SRPRB: variants seen among roughly 807,000 people sequenced by gnomAD.
The protein encoded by SRPRB is signal recognition particle receptor subunit beta.
SRPRB carries 20 observed loss-of-function variants against 31.9 expected under a neutral mutation model. The observed-to-expected ratio is 0.63, with a 90% CI of 0.44 to 0.91. The LOEUF (loss-of-function observed/expected upper bound fraction) is 0.91. SRPRB is among the 40% of genes least tolerant of loss of function. The pLI is 0.00. For synonymous variants in SRPRB, 146 were observed against 132.8 expected (o/e 1.10, Z -0.68); for missense variants, 321 against 324.9 (o/e 0.99, Z 0.09).
chr3:133,806,131 C>T (rs1284509701), intron 1 of SRPRB, 129 bp downstream of exon 1: 10 of 1,153,842 alleles, frequency 8.7e-6, no homozygotes, highest in Non-Finnish European at 1.1e-5. Flanking sequence ...GAGACCCACC[C>T]AGTCTACACC....
chr3:133,823,848 C>T (rs931164465), downstream of SRPRB, among the ~76,000 whole-genome samples: 2 of 152,114 alleles, frequency 1.3e-5, no homozygotes, highest in African/African-American at 4.8e-5. Context: ...TTCTGAAAAT[C>T]ACCAGAAGCA....
intron 3 of SRPRB, 65 bp downstream of exon 3, chr3:133,807,888 C>T (rs1935192104): frequency 4.1e-6 from 5 of 1,230,190 alleles, no homozygotes; most frequent in Admixed American, 4.2e-5. Flanking sequence ...CAGTTAAGGA[C>T]ATTTTTAGGA....
At chr3:133,799,319 A>T (rs1314580987) in intron 1 of SRPRB, among the ~76,000 whole-genome samples, 2 of 152,228 alleles carry the variant, frequency 1.3e-5, no homozygotes, top group Non-Finnish European at 1.5e-5. Flanking sequence ...GATTTAGGAT[A>T]TATCTAAACA....
Position 133,819,425 on chromosome 3 carries a change from A to C in SRPRB, c.603-128A>C, listed in dbSNP as rs1406651843. On this transcript the variant is annotated intron_variant, in intron 6 of 6. Coordinates refer to ENST00000678299, the MANE Select transcript of SRPRB (RefSeq NM_001379313.1). ...TTATAAATGCAAAGGATTATTCAAC[A>C]ATCTTAATAGCATAATTGGCAATTC... The C allele has an allele frequency of 3.7e-6, 3 of 821,752 alleles. No individual in the cohort carries two copies. In the East Asian group the frequency reaches 8.4e-5, roughly 23 times the overall value. 50.9% of individuals were successfully genotyped at this position (821,752 alleles called of 1,614,324 possible). A position where few individuals can be genotyped will look rare whatever the true frequency, so the allele number is the denominator to read the frequency against.
At position 133,819,674 on chromosome 3, in the gene SRPRB, G is replaced by A; in HGVS notation, c.724G>A (p.Glu242Lys). ...FEFSQLPLKVEFLECSAKGGR... is the reference protein window; with the variant it reads ...FEFSQLPLKVKFLECSAKGGR... ...ATTCTCACAGTTGCCCCTCAAAGTGGAGTTCCTGGAGTGCAGTGCCAAGGG... is the reference window on the plus strand; with the variant it reads ...ATTCTCACAGTTGCCCCTCAAAGTGAAGTTCCTGGAGTGCAGTGCCAAGGG... The change falls in exon 7 of 7, where the codon GAG (glutamate) becomes AAG (lysine). Residue 242 changes from glutamate (E) to lysine (K), a missense_variant. By Grantham distance (56) the Glu-to-Lys change is moderately conservative. Transcript: ENST00000678299. 3.1e-6 allele frequency: 5 copies of A among 1,614,170 alleles called. No homozygotes were observed. The highest frequency in any genetic ancestry group is 4.2e-6 in the Non-Finnish European group (5 of 1,180,040).
At chr3:133,803,480 A>T (rs1347277559), upstream of SRPRB, among the ~76,000 whole-genome samples, 1 of 152,144 alleles carries the variant, frequency 6.6e-6, no homozygotes, top group Non-Finnish European at 1.5e-5. Flanking sequence ...ACTAGGCCAA[A>T]CTAACAGCCA....
chr3:133,801,668 T>C (rs1214688936), upstream of SRPRB, among the ~76,000 whole-genome samples: 2 of 152,158 alleles, frequency 1.3e-5, no homozygotes, highest in Non-Finnish European at 2.9e-5. Flanking sequence ...GGAGGTCTAA[T>C]GGTAATATCC....
chr3:133,820,550 G>T lies in SRPRB; in HGVS notation c.*784G>T, dbSNP rs1397454588. The stretch of plus-strand genomic sequence containing the variant: ...GGCTCCTGGGCCATCTTCATGTGCT[G>T]CTTGAAGAGCTCCTATTTTGTACTC... On this transcript the variant is annotated 3_prime_UTR_variant, in exon 7 of 7. Coordinates refer to ENST00000678299, the MANE Select transcript of SRPRB (RefSeq NM_001379313.1). The T allele has an allele frequency of 6.6e-6, 1 of 152,134 alleles. No homozygotes were observed. The highest frequency in any genetic ancestry group is 1.5e-5 in the Non-Finnish European group (1 of 68,032). The allele number at this position is 152,134 out of a possible 1,614,324, so 9.4% of individuals were successfully genotyped here.
chr3:133,791,968 G>C (rs1463506312), intron 1 of SRPRB: 1 of 152,010 alleles, frequency 6.6e-6, no homozygotes, highest in Non-Finnish European at 1.5e-5. Flanking sequence ...AGTAATCTTT[G>C]GGAAATAAAG....
At chr3:133,799,436 T>A (rs1280505366) in intron 1 of SRPRB, among the ~76,000 whole-genome samples, 1 of 152,172 alleles carries the variant, frequency 6.6e-6, no homozygotes, top group Admixed American at 6.5e-5. Context: ...TAGTATATAA[T>A]CATATATTTG....
At chr3:133,796,017 C>G (rs1003752684) in intron 1 of SRPRB, 1 of 152,370 alleles carries the variant, frequency 6.6e-6, no homozygotes, top group Non-Finnish European at 1.5e-5. Context: ...GATCCTAGAA[C>G]AGACCACAGG....
intron 3 of SRPRB, among the ~76,000 whole-genome samples, chr3:133,808,783 G>A (rs539187194): frequency 2.6e-4 from 39 of 151,250 alleles, no homozygotes; most frequent in African/African-American, 3.4e-4. Context: ...CCAGCTACTC[G>A]GGAGGCTGAG....
At position 133,805,859 on chromosome 3, in the gene SRPRB, C is replaced by G. The variant is rs1335316612; in HGVS notation, c.11C>G (p.Ala4Gly). 2 of 1,610,526 alleles carry G rather than the reference C, an allele frequency of 1.2e-6. No homozygotes were observed. The highest frequency in any genetic ancestry group is 2.2e-5 in the East Asian group (1 of 44,842). The change falls in exon 1 of 7, where the codon GCG (alanine) becomes GGG (glycine). Residue 4 changes from alanine (A) to glycine (G), a missense_variant. Ala to Gly is a moderately conservative substitution (Grantham distance 60, BLOSUM62 0). Coordinates refer to ENST00000678299, the MANE Select transcript of SRPRB (RefSeq NM_001379313.1). MAS[A>G]DSRRVADGGG... ...CCACGCGTCTCATCCATGGCTTCCGCGGACTCGCGCCGGGTGGCAGATGGC... is the reference window on the plus strand; with the variant it reads ...CCACGCGTCTCATCCATGGCTTCCGGGGACTCGCGCCGGGTGGCAGATGGC...
chr3:133,806,329 T>G (rs566101335), intron 1 of SRPRB, among the ~76,000 whole-genome samples: 1 of 152,318 alleles, frequency 6.6e-6, no homozygotes, highest in East Asian at 1.9e-4. Flanking sequence ...ACACCAACTT[T>G]CAGCCTCCCG....
chr3:133,790,440 T>A (rs542147068), intron 1 of SRPRB: 1 of 152,322 alleles, frequency 6.6e-6, no homozygotes, highest in African/African-American at 2.4e-5. Context: ...TATCTAAAAG[T>A]TAGTTCAAAT....
chr3:133,807,274 G>A (rs1447625993), intron 2 of SRPRB, among the ~76,000 whole-genome samples: 4 of 130,556 alleles, frequency 3.1e-5, no homozygotes, highest in Non-Finnish European at 6.4e-5. Flanking sequence ...TTTTTTTTGA[G>A]GGAGTGTCTC....
chr3:133,819,644 T>C lies in SRPRB; in HGVS notation c.694T>C (p.Phe232Leu). Residue 232 changes from phenylalanine to leucine, a missense_variant, in exon 7 of 7, where the codon TTT (phenylalanine) becomes CTT (leucine). Physicochemically the swap from Phe to Leu is conservative, Grantham distance 22. Coordinates refer to ENST00000678299, the MANE Select transcript of SRPRB (RefSeq NM_001379313.1). ...TCAGCTGGGGAAGAAAGGCAAAGAGTTTGAATTCTCACAGTTGCCCCTCAA... is the reference window on the plus strand; with the variant it reads ...TCAGCTGGGGAAGAAAGGCAAAGAGCTTGAATTCTCACAGTTGCCCCTCAA... ...PAQLGKKGKE[F>L]EFSQLPLKVE... 6.2e-7 allele frequency: 1 copy of C among 1,614,006 alleles called. No individual in the cohort carries two copies. Among genetic ancestry groups the C allele is most frequent in the South Asian group, 1.1e-5 (1 of 91,058 alleles).
At chr3:133,827,205 A>G (rs1490680260), downstream of SRPRB, 1 of 152,212 alleles carries the variant, frequency 6.6e-6, no homozygotes, top group Non-Finnish European at 1.5e-5. Context: ...GAAGTTTCAA[A>G]ATTCATTCCA....
chr3:133,816,101 T>C (rs958784334), intron 5 of SRPRB, among the ~76,000 whole-genome samples: 15 of 152,218 alleles, frequency 9.9e-5, no homozygotes, highest in Admixed American at 9.8e-4. Context: ...GCACATTTTA[T>C]CAAGGGAAGT....
Sources: allele counts gnomAD v4.1 joint callset (sites outside exome capture counted in the v4.1 genomes callset), GRCh38; gene constraint gnomAD v4.1.1; transcripts MANE v1.5; gene names NCBI Gene and HGNC (gene_info 2026-07-23, HGNC 2026-07-21).